The following THSD7A variants were observed in gnomAD, a reference collection of about 807,000 sequenced individuals.
The protein encoded by THSD7A is thrombospondin type 1 domain containing 7A.
In THSD7A, 96 loss-of-function variants were observed where a neutral mutation model predicts 231.3. That is an observed-to-expected ratio of 0.41 (90% CI 0.35 to 0.49). The LOEUF (loss-of-function observed/expected upper bound fraction) is 0.49, where lower values mean the gene tolerates loss of function less well. Among genes scored for constraint, THSD7A ranks in the 20% least tolerant of loss-of-function variants. THSD7A has a pLI of 0.05. For synonymous variants in THSD7A, 940 were observed against 743.3 expected, an observed-to-expected ratio of 1.26 and a Z score of -4.30; for missense variants, 2,290 against 2,070.2, an observed-to-expected ratio of 1.11 and a Z score of -2.06.
chr7:11,518,053 G>T (rs1788106603), intron 6 of THSD7A, among the ~76,000 whole-genome samples: 1 of 152,152 alleles, frequency 6.6e-6, no homozygotes, highest in Non-Finnish European at 1.5e-5. Flanking sequence ...CTGCTTGCTG[G>T]ATGGTTGACC....
At chr7:11,518,120 G>A (rs1788109803) in intron 6 of THSD7A, among the ~76,000 whole-genome samples, 1 of 152,152 alleles carries the variant, frequency 6.6e-6, no homozygotes, top group East Asian at 1.9e-4. Context: ...AGAGTCTAGG[G>A]CATAGTAGGT....
chr7:11,509,866 A>T (rs1787730416), intron 6 of THSD7A, among the ~76,000 whole-genome samples: 1 of 150,542 alleles, frequency 6.6e-6, no homozygotes, highest in African/African-American at 2.4e-5. Flanking sequence ...AATAAGTTAA[A>T]TGACATATTA....
At chr7:11,496,190 C>G (rs537091275) in intron 6 of THSD7A, among the ~76,000 whole-genome samples, 1 of 151,998 alleles carries the variant, frequency 6.6e-6, no homozygotes, top group African/African-American at 2.4e-5. Flanking sequence ...CAGGATTTAG[C>G]GGATATAATT....
intron 4 of THSD7A, among the ~76,000 whole-genome samples, chr7:11,577,705 C>G (rs1790977209): frequency 6.6e-6 from 1 of 151,454 alleles, no homozygotes; most frequent in Non-Finnish European, 1.5e-5. Context: ...AGCTCCCTAT[C>G]TGGGCATTTT....
rs113071618 is a variant in THSD7A at position 11,640,541 on chromosome 7, T to C, written c.191-3580A>G. Among the ~76,000 whole-genome samples the C allele has an allele frequency of 7.4e-3, 1,133 of 152,248 alleles. 11 individuals are homozygous for C. The highest frequency in any genetic ancestry group is 0.026 in the African/African-American group (1,067 of 41,550). ...GAGAACCTCTAATTTCTCCATGTTA[T>C]CTGTTGTAGTAATATTACATATATT... On this transcript the variant is annotated intron_variant, in intron 1 of 27. Coordinates refer to ENST00000423059, the MANE Select transcript of THSD7A (RefSeq NM_015204.3).
At chr7:11,662,926 A>G (rs1017295886) in intron 1 of THSD7A, among the ~76,000 whole-genome samples, 1 of 151,450 alleles carries the variant, frequency 6.6e-6, no homozygotes, top group Admixed American at 6.6e-5. Flanking sequence ...AAAACTTATC[A>G]TTTAAATGCT....
At chr7:11,613,465 AT>A (rs1274520990) in intron 2 of THSD7A, among the ~76,000 whole-genome samples, 3 of 152,238 alleles carry the variant, frequency 2.0e-5, no homozygotes, top group Non-Finnish European at 4.4e-5. Flanking sequence ...ATAATAACAT[AT>A]GGGGCTTTCA....
At chr7:11,395,307 C>A (rs1411458198) in intron 23 of THSD7A, among the ~76,000 whole-genome samples, 1 of 152,108 alleles carries the variant, frequency 6.6e-6, no homozygotes, top group Non-Finnish European at 1.5e-5. Flanking sequence ...TGCAGGAGCA[C>A]CCAGATTCAT....
chr7:11,756,138 C>A (rs1782666741), intron 1 of THSD7A, among the ~76,000 whole-genome samples: 1 of 152,024 alleles, frequency 6.6e-6, no homozygotes, highest in Non-Finnish European at 1.5e-5. Flanking sequence ...ATCCTGGGTC[C>A]TTTTATACTT....
intron 2 of THSD7A, among the ~76,000 whole-genome samples, chr7:11,598,394 T>C (rs1780441162): frequency 6.6e-6 from 1 of 152,194 alleles, no homozygotes; most frequent in Admixed American, 6.5e-5. Context: ...TGACCTGTTC[T>C]GTGGACACCA....
At chr7:11,553,215 G>A (rs1027926474) in intron 4 of THSD7A, among the ~76,000 whole-genome samples, 2 of 152,100 alleles carry the variant, frequency 1.3e-5, no homozygotes, top group African/African-American at 4.8e-5. Context: ...CTACTTAACA[G>A]TTGTCCCTAT....
At chr7:11,818,285 A>C (rs1389975280) in intron 1 of THSD7A, among the ~76,000 whole-genome samples, 1 of 152,240 alleles carries the variant, frequency 6.6e-6, no homozygotes, top group Non-Finnish European at 1.5e-5. Context: ...AAACTATTTT[A>C]GCTACATAAT....
intron 13 of THSD7A, among the ~76,000 whole-genome samples, chr7:11,438,292 A>C (rs575264061): frequency 6.6e-6 from 1 of 152,170 alleles, no homozygotes; most frequent in Non-Finnish European, 1.5e-5. Context: ...AATACTCCAC[A>C]CACATATTTA....
At chr7:11,714,905 G>C (rs994373709) in intron 1 of THSD7A, among the ~76,000 whole-genome samples, 6 of 151,358 alleles carry the variant, frequency 4.0e-5, no homozygotes, top group Non-Finnish European at 8.9e-5. Context: ...AAGGTTAGCT[G>C]AGTAAATCCA....
At chr7:11,388,014 C>T (rs992845769) in intron 23 of THSD7A, among the ~76,000 whole-genome samples, 3 of 152,044 alleles carry the variant, frequency 2.0e-5, no homozygotes, top group South Asian at 4.1e-4. Flanking sequence ...TATTGATGTA[C>T]GTATGTTGAA....
chr7:11,685,349 T>C (rs1411540583), intron 1 of THSD7A, among the ~76,000 whole-genome samples: 1 of 151,696 alleles, frequency 6.6e-6, no homozygotes, highest in African/African-American at 2.4e-5. Flanking sequence ...CAAAAGGAAA[T>C]GCAGCAAAAA....
intron 1 of THSD7A, among the ~76,000 whole-genome samples, chr7:11,747,103 C>T (rs9692251): frequency 0.65 from 99,229 of 151,758 alleles, 33,209 homozygotes; most frequent in African/African-American, 0.81. Flanking sequence ...AAATTACTAG[C>T]TTTCATATTT....
At chr7:11,543,702 C>G (rs1789249600) in intron 4 of THSD7A, among the ~76,000 whole-genome samples, 1 of 152,158 alleles carries the variant, frequency 6.6e-6, no homozygotes, top group Non-Finnish European at 1.5e-5. Flanking sequence ...AACACATTAT[C>G]TGCATATGTG....
intron 1 of THSD7A, among the ~76,000 whole-genome samples, chr7:11,679,768 G>T (rs1231419747): frequency 6.6e-6 from 1 of 152,110 alleles, no homozygotes; most frequent in African/African-American, 2.4e-5. Context: ...TGGCCATACT[G>T]CCCAAAGGAA....
Sources: allele counts gnomAD v4.1 joint callset (sites outside exome capture counted in the v4.1 genomes callset), GRCh38; gene constraint gnomAD v4.1.1; transcripts MANE v1.5; gene names NCBI Gene and HGNC (gene_info 2026-07-23, HGNC 2026-07-21).